Variants in LARGE1 observed in about 807,000 individuals in gnomAD.
LARGE1 encodes xylosyl- and glucuronyltransferase LARGE1.
LARGE1 carries 43 observed loss-of-function variants against 87.6 expected under a neutral mutation model. The ratio of observed to expected loss-of-function variants is 0.49; its 90% confidence interval spans 0.38 to 0.63. The LOEUF is 0.63. Ranked by LOEUF, LARGE1 falls within the 30% of genes least tolerant of loss-of-function variation. The pLI, the probability that LARGE1 is intolerant of heterozygous loss-of-function variation, is 0.00. For missense variants in LARGE1, 802 were observed against 1,000.2 expected, an observed-to-expected ratio of 0.80 and a Z score of 2.67; for synonymous variants, 434 against 394.6, an observed-to-expected ratio of 1.10 and a Z score of -1.18.
exon 12 of LARGE1, chr22:33,165,209 T>C (rs1363718913): frequency 6.6e-6 from 1 of 152,204 alleles, no homozygotes; most frequent in Non-Finnish European, 1.5e-5. Context: ...ACTTCGGGGA[T>C]AGATCCTGAA....
intron 6 of LARGE1, among the ~76,000 whole-genome samples, chr22:33,447,878 T>C (rs2067749828): frequency 6.6e-6 from 1 of 151,684 alleles, no homozygotes. Context: ...AGGAATGGAG[T>C]AATAACAACA....
chr22:33,680,636 T>G (rs986082361), intron 2 of LARGE1, among the ~76,000 whole-genome samples: 2 of 152,184 alleles, frequency 1.3e-5, no homozygotes, highest in Non-Finnish European at 2.9e-5. Flanking sequence ...GAACAGACTG[T>G]TAGCTTTTGG....
intron 2 of LARGE1, among the ~76,000 whole-genome samples, chr22:33,689,950 G>T (rs1045185211): frequency 1.3e-5 from 2 of 151,858 alleles, no homozygotes; most frequent in Non-Finnish European, 2.9e-5. Flanking sequence ...AGGGAAAAAT[G>T]ATATGAATAA....
intron 11 of LARGE1, among the ~76,000 whole-genome samples, chr22:33,237,504 GA>G (rs1006806723): frequency 1.2e-3 from 181 of 145,542 alleles, no homozygotes; most frequent in African/African-American, 3.4e-3. Context: ...TACTCCCCCT[GA>G]AAAAAAAAAC....
chr22:33,838,461 A>G (rs1206600958), intron 1 of LARGE1, among the ~76,000 whole-genome samples: 2 of 152,180 alleles, frequency 1.3e-5, no homozygotes, highest in Non-Finnish European at 2.9e-5. Flanking sequence ...CAACAGGGCA[A>G]GACCCCATCT....
rs568175646 is a variant in LARGE1, at chr22:33,574,638, T to C, written c.616-9619A>G. Among the ~76,000 whole-genome samples the C allele has an allele frequency of 8.6e-5, 13 of 151,666 alleles. No homozygotes were observed. In the South Asian group the frequency reaches 2.1e-3, roughly 24 times the overall value. ...GGTTGAAAATTGAGATTCTCAAATA[T>C]TGGGAGAAAAGCATGATAGGACAAC... On this transcript the variant is annotated intron_variant, in intron 5 of 14. Transcript: ENST00000397394.
At chr22:33,314,621 C>T (rs1935957468) in intron 11 of LARGE1, among the ~76,000 whole-genome samples, 1 of 152,176 alleles carries the variant, frequency 6.6e-6, no homozygotes, top group African/African-American at 2.4e-5. Flanking sequence ...ATCCTTAGAA[C>T]AATCCCATGG....
At chr22:33,679,070 A>AT (rs1272909474) in intron 2 of LARGE1, among the ~76,000 whole-genome samples, 1 of 152,148 alleles carries the variant, frequency 6.6e-6, no homozygotes, top group Non-Finnish European at 1.5e-5. Context: ...TCCAGATAAT[A>AT]TTTTTTGTTT....
chr22:33,172,158 T>TAGAATG (rs1257427009), intron 11 of LARGE1, among the ~76,000 whole-genome samples: 2 of 152,282 alleles, frequency 1.3e-5, no homozygotes, highest in Non-Finnish European at 2.9e-5. Context: ...CCCTTTGTTT[T>TAGAATG]GGCCAATTTC....
At chr22:33,742,967 C>A (rs1348684492) in intron 2 of LARGE1, among the ~76,000 whole-genome samples, 2 of 152,002 alleles carry the variant, frequency 1.3e-5, no homozygotes, top group East Asian at 3.9e-4. Flanking sequence ...GGTCTTGGAT[C>A]ATGGGGGCAG....
intron 6 of LARGE1, among the ~76,000 whole-genome samples, chr22:33,454,048 C>T (rs1301463347): frequency 6.6e-6 from 1 of 152,136 alleles, no homozygotes; most frequent in East Asian, 1.9e-4. Flanking sequence ...AATTCCTTGC[C>T]ACATGGAAAA....
Position 33,302,452 on chromosome 22 carries a change from C to T in LARGE1, c.1730+1777G>A, listed in dbSNP as rs769620253. Reference sequence around the variant, plus strand: ...GGGGAGGGATTAACACTAGGAAACCCGGAGATGTCCCTGGAAGGACACGGA... The same window carrying T: ...GGGGAGGGATTAACACTAGGAAACCTGGAGATGTCCCTGGAAGGACACGGA... On this transcript the variant is annotated intron_variant, in intron 12 of 14. Coordinates refer to ENST00000397394, the MANE Select transcript of LARGE1 (RefSeq NM_133642.5). Among the ~76,000 whole-genome samples, 14 of 152,126 alleles carry T rather than the reference C, an allele frequency of 9.2e-5. No individual in the cohort carries two copies. The South Asian group carries it at 1.2e-3, about 14-fold the overall frequency.
chr22:33,558,457 C>T (rs2077759259), intron 6 of LARGE1, among the ~76,000 whole-genome samples: 1 of 152,204 alleles, frequency 6.6e-6, no homozygotes, highest in Non-Finnish European at 1.5e-5. Flanking sequence ...GTACCAGGAT[C>T]ACTGAATCAC....
chr22:33,880,695 G>A (rs182215861), intron 1 of LARGE1, among the ~76,000 whole-genome samples: 8 of 152,114 alleles, frequency 5.3e-5, no homozygotes, highest in South Asian at 2.1e-4. Flanking sequence ...GGACTGAGAC[G>A]TTTTCATCTG....
chr22:33,105,389 T>G, the LARGE1 span: 1 of 152,228 alleles, frequency 6.6e-6, no homozygotes, highest in Non-Finnish European at 1.5e-5. Context: ...TGTATCCTTT[T>G]GCTCTAATTC....
chr22:33,738,190 C>T (rs1443887535), intron 2 of LARGE1, among the ~76,000 whole-genome samples: 2 of 152,188 alleles, frequency 1.3e-5, no homozygotes, highest in Admixed American at 6.5e-5. Context: ...GAAGATTGCT[C>T]GTGGAATGCA....
intron 2 of LARGE1, among the ~76,000 whole-genome samples, chr22:33,757,565 G>A (rs1435946503): frequency 2.6e-5 from 4 of 152,124 alleles, no homozygotes; most frequent in Non-Finnish European, 4.4e-5. Flanking sequence ...ATCATGCTGC[G>A]GCGTGTAATC....
intron 6 of LARGE1, among the ~76,000 whole-genome samples, chr22:33,557,142 C>A (rs185042431): frequency 6.6e-6 from 1 of 152,306 alleles, no homozygotes; most frequent in Non-Finnish European, 1.5e-5. Flanking sequence ...ATCATTCTCT[C>A]ATTTTTATAG....
chr22:33,894,485 C>G (rs1569018578), intron 1 of LARGE1, among the ~76,000 whole-genome samples: 1 of 152,130 alleles, frequency 6.6e-6, no homozygotes, highest in Non-Finnish European at 1.5e-5. Context: ...GAGGCTTTAG[C>G]TGTGTCCCCT....
Sources: allele counts gnomAD v4.1 joint callset (sites outside exome capture counted in the v4.1 genomes callset), GRCh38; gene constraint gnomAD v4.1.1; transcripts MANE v1.5; gene names NCBI Gene and HGNC (gene_info 2026-07-23, HGNC 2026-07-21).